TLCD4: variants seen among roughly 807,000 people sequenced by gnomAD.
The protein encoded by TLCD4 is TLC domain containing 4, also known as TLC domain-containing protein 4.
TLCD4 carries 7 observed loss-of-function variants against 24.2 expected under a neutral mutation model. That is an observed-to-expected ratio of 0.29 (90% confidence interval 0.16 to 0.54). The LOEUF (loss-of-function observed/expected upper bound fraction) is 0.54, where lower values mean the gene tolerates loss of function less well. Ranked by LOEUF, TLCD4 falls within the 20% of genes least tolerant of loss-of-function variation. TLCD4 has a pLI of 0.95. For synonymous variants in TLCD4, 103 were observed against 106.4 expected (o/e 0.97, Z 0.20); for missense variants, 259 against 313.9 (o/e 0.82, Z 1.32).
At chr1:95,143,818 A>G (rs1434239859) in intron 1 of TLCD4, 73 bp from the exon 2 acceptor site, 14 of 1,264,460 alleles carry the variant, frequency 1.1e-5, no homozygotes, top group South Asian at 3.3e-5. Flanking sequence ...TACAAGACAT[A>G]TTTCTTAAAA....
intron 6 of TLCD4, among the ~76,000 whole-genome samples, chr1:95,180,658 A>T (rs752576312): frequency 6.6e-5 from 10 of 152,212 alleles, no homozygotes; most frequent in Non-Finnish European, 1.2e-4. Context: ...TCTTTTATAT[A>T]AAGTAATTTA....
chr1:95,103,744 G>A, the TLCD4 span, among the ~76,000 whole-genome samples: 1 of 152,194 alleles, frequency 6.6e-6, no homozygotes, highest in Non-Finnish European at 1.5e-5. Context: ...ATTGGTTATG[G>A]TTTTTTATTT....
intron 1 of TLCD4, among the ~76,000 whole-genome samples, chr1:95,123,526 C>T (rs1009868211): frequency 6.6e-6 from 1 of 152,012 alleles, no homozygotes; most frequent in African/African-American, 2.4e-5. Flanking sequence ...TAGCTCATTA[C>T]AAAAAAATTA....
intron 5 of TLCD4, among the ~76,000 whole-genome samples, chr1:95,156,312 C>T (rs952886305): frequency 4.6e-5 from 7 of 152,056 alleles, no homozygotes; most frequent in Non-Finnish European, 8.8e-5. Context: ...AGGAAAGTCA[C>T]TGAGGAGATG....
Position 95,151,353 on chromosome 1 carries a change from A to G in TLCD4, c.333A>G (p.Lys111=). ...SDLSIIILYW[K]VIGDKFFIMH... ...TGTCCATTATAATTTTGTATTGGAA[A>G]GTGATTGGTGACAAATTTTTTATAA... The change falls in exon 5 of 7, where the codon AAA becomes AAG. Residue 111 remains lysine (K), a synonymous_variant. Coordinates refer to ENST00000370203, the MANE Select transcript of TLCD4 (RefSeq NM_152487.3). 1.2e-6 allele frequency: 2 copies of G among 1,613,262 alleles called. No individual in the cohort carries two copies. Among genetic ancestry groups the G allele is most frequent in the East Asian group, 2.2e-5 (1 of 44,852 alleles).
At chr1:95,179,674 G>T (rs1048911739) in intron 6 of TLCD4, among the ~76,000 whole-genome samples, 1 of 152,136 alleles carries the variant, frequency 6.6e-6, no homozygotes, top group Non-Finnish European at 1.5e-5. Context: ...AAAAAAATAT[G>T]TAGCTTCCTT....
At chr1:95,129,696 C>G (rs565750998) in intron 1 of TLCD4, among the ~76,000 whole-genome samples, 1 of 152,126 alleles carries the variant, frequency 6.6e-6, no homozygotes, top group Non-Finnish European at 1.5e-5. Context: ...GAACCGAGAT[C>G]GTGCCATTGC....
In TLCD4 at chr1:95,195,816, C is replaced by T. The variant is rs1163091866; in HGVS notation, c.*3948C>T. On this transcript the variant is annotated 3_prime_UTR_variant, in exon 7 of 7. Coordinates refer to ENST00000370203, the MANE Select transcript of TLCD4 (RefSeq NM_152487.3). ...TTGAGAGTGCTTTTCCCTTAAACGCCGTGATAGTCCTCCCTTGATCTAGAA... is the reference window on the plus strand; with the variant it reads ...TTGAGAGTGCTTTTCCCTTAAACGCTGTGATAGTCCTCCCTTGATCTAGAA... 2 of 152,118 alleles carry T rather than the reference C, an allele frequency of 1.3e-5. No homozygotes were observed. Among genetic ancestry groups the T allele is most frequent in the Admixed American group, 6.5e-5 (1 of 15,274 alleles). The allele number at this position is 152,118 out of a possible 1,614,324, so 9.4% of individuals were successfully genotyped here.
At chr1:95,176,763 GA>G (rs774774102) in intron 6 of TLCD4, among the ~76,000 whole-genome samples, 42 of 152,032 alleles carry the variant, frequency 2.8e-4, no homozygotes, top group Non-Finnish European at 6.0e-4. Flanking sequence ...TTCTTTCTAG[GA>G]GTTTTATAGT....
chr1:95,196,192 ACAGT>A lies in TLCD4; in HGVS notation c.*4328_*4331del, dbSNP rs1020118039. ...TCTCTGTTTTTCTTAAACTGGTTTA[ACAGT>A]CAGAGCTTTGTAATGTGTTTCAGCT... On this transcript the variant is annotated 3_prime_UTR_variant, in exon 7 of 7. Transcript: ENST00000370203. The A allele has an allele frequency of 1.4e-4, 21 of 152,314 alleles. No individual in the cohort carries two copies. The highest frequency in any genetic ancestry group is 4.6e-4 in the African/African-American group (19 of 41,574). The allele number at this position is 152,314 out of a possible 1,614,324, so 9.4% of individuals were successfully genotyped here. A position where few individuals can be genotyped will look rare whatever the true frequency, so the allele number is the denominator to read the frequency against.
intron 5 of TLCD4, among the ~76,000 whole-genome samples, chr1:95,168,698 CCT>C (rs1220499220): frequency 2.6e-5 from 4 of 151,484 alleles, no homozygotes; most frequent in African/African-American, 9.7e-5. Flanking sequence ...TTCTGATAAT[CCT>C]CTCTCCCACT....
intron 1 of TLCD4, among the ~76,000 whole-genome samples, chr1:95,130,097 T>C (rs1676846560): frequency 6.6e-6 from 1 of 152,220 alleles, no homozygotes; most frequent in Admixed American, 6.5e-5. Context: ...TGCTTAACAA[T>C]TTTTACATGA....
chr1:95,097,215 AT>A, the TLCD4 span, among the ~76,000 whole-genome samples: 3 of 152,204 alleles, frequency 2.0e-5, no homozygotes, highest in Non-Finnish European at 4.4e-5. Flanking sequence ...ATTTGCCTTT[AT>A]GCTAAAATTC....
chr1:95,095,937 T>C, the TLCD4 span, among the ~76,000 whole-genome samples: 1 of 152,056 alleles, frequency 6.6e-6, no homozygotes, highest in Non-Finnish European at 1.5e-5. Flanking sequence ...AAACAAGATA[T>C]GAGGTAAGCG....
At chr1:95,102,390 T>A in the TLCD4 span, among the ~76,000 whole-genome samples, 2 of 152,166 alleles carry the variant, frequency 1.3e-5, no homozygotes, top group African/African-American at 2.4e-5. Flanking sequence ...TGACAGAATT[T>A]GCTGTGTACT....
the TLCD4 span, among the ~76,000 whole-genome samples, chr1:95,103,821 C>T: frequency 1.3e-5 from 2 of 152,166 alleles, no homozygotes; most frequent in South Asian, 4.1e-4. Flanking sequence ...TCCCATGATA[C>T]TCTTACAATG....
chr1:95,151,551 T>C, intron 5 of TLCD4, 132 bp downstream of exon 5: 1 of 1,014,570 alleles, frequency 9.9e-7, no homozygotes, highest in Non-Finnish European at 1.4e-6. Context: ...GGGATTGCTT[T>C]TGTGGTATGC....
intron 6 of TLCD4, among the ~76,000 whole-genome samples, chr1:95,182,217 T>TAAA (rs1678670037): frequency 6.6e-6 from 1 of 152,008 alleles, no homozygotes; most frequent in African/African-American, 2.4e-5. Flanking sequence ...TTTTTTTTTA[T>TAAA]TTTTGAGAGA....
At chr1:95,137,732 T>C (rs1677087372) in intron 1 of TLCD4, among the ~76,000 whole-genome samples, 1 of 148,044 alleles carries the variant, frequency 6.8e-6, no homozygotes, top group Non-Finnish European at 1.5e-5. Flanking sequence ...CTCCCTCCCT[T>C]TCTTCCTTCT....
Sources: allele counts gnomAD v4.1 joint callset (sites outside exome capture counted in the v4.1 genomes callset), GRCh38; gene constraint gnomAD v4.1.1; transcripts MANE v1.5; gene names NCBI Gene and HGNC (gene_info 2026-07-23, HGNC 2026-07-21).